The following FUT9 variants were observed in gnomAD, a reference collection of about 807,000 sequenced individuals.
FUT9 encodes the protein fucosyltransferase 9.
In FUT9, 15 loss-of-function variants were observed where a neutral mutation model predicts 29.7. That is an observed-to-expected ratio of 0.51 (90% CI 0.34 to 0.78). The LOEUF (loss-of-function observed/expected upper bound fraction) is 0.78. Among genes scored for constraint, FUT9 ranks in the 30% least tolerant of loss-of-function variants. The pLI is 0.01. For synonymous variants in FUT9, 169 were observed against 153.7 expected, an observed-to-expected ratio of 1.10 and a Z score of -0.74; for missense variants, 319 against 425.4, an observed-to-expected ratio of 0.75 and a Z score of 2.20.
At chr6:96,177,040 G>T (rs1679517445) in intron 2 of FUT9, among the ~76,000 whole-genome samples, 1 of 152,100 alleles carries the variant, frequency 6.6e-6, no homozygotes, top group African/African-American at 2.4e-5. Context: ...TGACTATACT[G>T]TTGGCTCTTC....
At chr6:96,149,365 C>T (rs149283514) in intron 2 of FUT9, among the ~76,000 whole-genome samples, 1 of 151,712 alleles carries the variant, frequency 6.6e-6, no homozygotes, top group African/African-American at 2.4e-5. Context: ...CTATTAGAAA[C>T]TACAATGGAA....
At chr6:96,037,554 G>A (rs1014556242) in intron 1 of FUT9, 4 of 152,032 alleles carry the variant, frequency 2.6e-5, no homozygotes, top group African/African-American at 9.7e-5. Flanking sequence ...TGATATGGAT[G>A]AAGTTGGGGA....
At chr6:96,193,991 G>A (rs1321904092) in intron 2 of FUT9, among the ~76,000 whole-genome samples, 1 of 152,102 alleles carries the variant, frequency 6.6e-6, no homozygotes, top group Admixed American at 6.6e-5. Flanking sequence ...CTCATAGGTG[G>A]GAATTGAACA....
At position 96,206,091 on chromosome 6, in the gene FUT9, C is replaced by G; in HGVS notation, c.*1856C>G. 6.0e-6 allele frequency: 1 copy of G among 167,038 alleles called. No individual in the cohort carries two copies. The allele number at this position is 167,038 out of a possible 1,614,324, so 10.3% of individuals were successfully genotyped here. A position where few individuals can be genotyped will look rare whatever the true frequency, so the allele number is the denominator to read the frequency against. On this transcript the variant is annotated 3_prime_UTR_variant, in exon 3 of 3. Coordinates refer to ENST00000302103, the MANE Select transcript of FUT9 (RefSeq NM_006581.4). ...AGCTTCCTTTCAATTCAGCCTGAGA[C>G]TGTTTATATGCATGTGCTACTCCGA...
In FUT9 at chr6:96,210,927, T is replaced by C. The variant is rs1014505364; in HGVS notation, c.*6692T>C. 1 of 166,850 alleles carries C rather than the reference T, an allele frequency of 6.0e-6. No homozygotes were observed. The highest frequency in any genetic ancestry group is 2.4e-5 in the African/African-American group (1 of 41,434). 10.3% of individuals were successfully genotyped at this position (166,850 alleles called of 1,614,324 possible). A position where few individuals can be genotyped will look rare whatever the true frequency, so the allele number is the denominator to read the frequency against. ...TTGCAGCTGTAAAGCAGAGGTAGCA[T>C]ATTTCTGAGAAATTATATTCAGGTG... On this transcript the variant is annotated 3_prime_UTR_variant, in exon 3 of 3. Coordinates refer to ENST00000302103, the MANE Select transcript of FUT9 (RefSeq NM_006581.4).
chr6:96,025,182 T>C (rs969556344), intron 1 of FUT9, among the ~76,000 whole-genome samples: 1 of 151,720 alleles, frequency 6.6e-6, no homozygotes, highest in East Asian at 1.9e-4. Flanking sequence ...TGAAAGAGGG[T>C]AGAAGCTTCT....
intron 2 of FUT9, among the ~76,000 whole-genome samples, chr6:96,165,054 A>C (rs9399799): frequency 6.6e-6 from 1 of 152,082 alleles, no homozygotes; most frequent in East Asian, 1.9e-4. Flanking sequence ...GGGTCAGTAT[A>C]AAGTAAGATC....
chr6:96,054,469 T>C (rs773372640), intron 1 of FUT9, among the ~76,000 whole-genome samples: 14 of 152,200 alleles, frequency 9.2e-5, no homozygotes, highest in Non-Finnish European at 1.5e-4. Context: ...CCAAACACTC[T>C]GCTAAACCTT....
At chr6:96,044,214 A>G (rs1444458611) in intron 1 of FUT9, among the ~76,000 whole-genome samples, 1 of 152,216 alleles carries the variant, frequency 6.6e-6, no homozygotes. Context: ...CATTACCTAT[A>G]ATTTGCCTCT....
rs1332495753 is a variant in FUT9, at chr6:96,210,778, C to A, written c.*6543C>A. 6.0e-6 allele frequency: 1 copy of A among 166,746 alleles called. No individual in the cohort carries two copies. Among genetic ancestry groups the A allele is most frequent in the Non-Finnish European group, 1.5e-5 (1 of 67,986 alleles). 10.3% of individuals were successfully genotyped at this position (166,746 alleles called of 1,614,324 possible). A position where few individuals can be genotyped will look rare whatever the true frequency, so the allele number is the denominator to read the frequency against. The stretch of plus-strand genomic sequence containing the variant: ...GTCTCCTTGTCTGATAGGTAATTTG[C>A]AATTGAGATATGGCAAAGAATTGTA... On this transcript the variant is annotated 3_prime_UTR_variant, in exon 3 of 3. Coordinates refer to ENST00000302103, the MANE Select transcript of FUT9 (RefSeq NM_006581.4).
intron 1 of FUT9, among the ~76,000 whole-genome samples, chr6:96,049,234 G>A (rs1003749384): frequency 6.6e-5 from 10 of 152,046 alleles, no homozygotes; most frequent in Non-Finnish European, 1.5e-4. Context: ...TAGCCTTCTG[G>A]GTGCTGTCCT....
At chr6:96,110,545 G>C (rs911799211) in intron 1 of FUT9, among the ~76,000 whole-genome samples, 1 of 152,168 alleles carries the variant, frequency 6.6e-6, no homozygotes, top group African/African-American at 2.4e-5. Flanking sequence ...ATCCCCTAGA[G>C]GATTGGCCTC....
At chr6:96,170,180 T>C (rs536259983) in intron 2 of FUT9, among the ~76,000 whole-genome samples, 1 of 152,276 alleles carries the variant, frequency 6.6e-6, no homozygotes, top group South Asian at 2.1e-4. Context: ...TTCTTACCTA[T>C]AAGTTGGTGA....
intron 1 of FUT9, among the ~76,000 whole-genome samples, chr6:96,111,329 G>A (rs1331162364): frequency 1.3e-5 from 2 of 152,034 alleles, no homozygotes; most frequent in East Asian, 1.9e-4. Flanking sequence ...AGAGAAAAAC[G>A]TACTATCATT....
At chr6:96,120,135 A>T (rs1013780406) in intron 2 of FUT9, among the ~76,000 whole-genome samples, 3 of 151,070 alleles carry the variant, frequency 2.0e-5, no homozygotes, top group Non-Finnish European at 3.0e-5. Flanking sequence ...TCATTATTTT[A>T]TTTTTTTCTG....
intron 2 of FUT9, among the ~76,000 whole-genome samples, chr6:96,191,826 C>A (rs1773516361): frequency 6.6e-6 from 1 of 152,138 alleles, no homozygotes; most frequent in Non-Finnish European, 1.5e-5. Context: ...AAACCGAATC[C>A]AGCAGCACAT....
chr6:96,112,820 T>A (rs1771835317), intron 1 of FUT9, among the ~76,000 whole-genome samples: 1 of 152,216 alleles, frequency 6.6e-6, no homozygotes, highest in Admixed American at 6.5e-5. Context: ...GGTGGCATTA[T>A]CTTAAAGAGA....
intron 2 of FUT9, among the ~76,000 whole-genome samples, chr6:96,198,532 G>C (rs565684452): frequency 2.0e-5 from 3 of 152,090 alleles, no homozygotes; most frequent in South Asian, 2.1e-4. Flanking sequence ...GGACATTTGG[G>C]TTGGTTCCAA....
At chr6:96,131,263 A>G (rs1432246187) in intron 2 of FUT9, among the ~76,000 whole-genome samples, 2 of 152,116 alleles carry the variant, frequency 1.3e-5, no homozygotes, top group East Asian at 3.9e-4. Flanking sequence ...ATGAATGACT[A>G]TTTCTGAAAA....
Sources: allele counts gnomAD v4.1 joint callset (sites outside exome capture counted in the v4.1 genomes callset), GRCh38; gene constraint gnomAD v4.1.1; transcripts MANE v1.5; gene names NCBI Gene and HGNC (gene_info 2026-07-23, HGNC 2026-07-21).